Variants in KCNQ1 observed in about 807,000 individuals in gnomAD.
The protein encoded by KCNQ1 is potassium voltage-gated channel subfamily Q member 1, also known as potassium voltage-gated channel subfamily KQT member 1.
KCNQ1 carries 49 observed loss-of-function variants against 72.4 expected under a neutral mutation model. The ratio of observed to expected loss-of-function variants is 0.68; its 90% CI spans 0.54 to 0.86. KCNQ1 has a LOEUF of 0.86. KCNQ1 is among the 40% of genes least tolerant of loss of function. The probability of loss-of-function intolerance (pLI) is 0.00; values close to 1 mark genes in which losing one functional copy is unlikely to be tolerated. For synonymous variants in KCNQ1, 450 were observed against 412.6 expected, an observed-to-expected ratio of 1.09 and a Z score of -1.10; for missense variants, 790 against 945.1, an observed-to-expected ratio of 0.84 and a Z score of 2.15.
At chr11:2,445,910 C>T (rs544427601) in intron 1 of KCNQ1, among the ~76,000 whole-genome samples, 15 of 152,286 alleles carry the variant, frequency 9.8e-5, no homozygotes, top group African/African-American at 3.6e-4. Flanking sequence ...TCCGGTGCCG[C>T]ATCTCAGACC....
intron 11 of KCNQ1, among the ~76,000 whole-genome samples, chr11:2,763,963 G>A (rs1286314264): frequency 1.3e-5 from 2 of 152,080 alleles, no homozygotes; most frequent in Non-Finnish European, 2.9e-5. Context: ...TTTTTTACAT[G>A]TATGGTTATG....
chr11:2,712,140 G>A lies in KCNQ1; in HGVS notation c.1514+50059G>A, dbSNP rs1851017915. 6.6e-6 allele frequency among the ~76,000 whole-genome samples: 1 copy of A among 152,196 alleles called. No individual in the cohort carries two copies. Among genetic ancestry groups the A allele is most frequent in the African/African-American group, 2.4e-5 (1 of 41,436 alleles). On this transcript the variant is annotated intron_variant, in intron 11 of 15. Transcript: ENST00000155840. This position sits in a 1 kb window ranked among gnomAD's most constrained non-coding sequence, Gnocchi z 6.4. ...CGGCTTTCTAGCCCTTTGGAAACCT[G>A]AGTGGGGTTTTGTGCTTGCATCTCA...
rs891202191 is a variant in KCNQ1 at position 2,762,266 on chromosome 11, G to T, written c.1515-6578G>T. On this transcript the variant is annotated intron_variant, in intron 11 of 15. Coordinates refer to ENST00000155840, the MANE Select transcript of KCNQ1 (RefSeq NM_000218.3). The surrounding 1 kb of genome is among the most constrained non-coding windows in gnomAD (Gnocchi z 4.3). Reference sequence around the variant, plus strand: ...TTCTGTTACAGTTCATACTGTTTGCGTTCCTTTAAAGACGTCTTTGCCCAT... The same window carrying T: ...TTCTGTTACAGTTCATACTGTTTGCTTTCCTTTAAAGACGTCTTTGCCCAT... 6.6e-6 allele frequency among the ~76,000 whole-genome samples: 1 copy of T among 152,118 alleles called. No homozygotes were observed. The highest frequency in any genetic ancestry group is 1.9e-4 in the East Asian group (1 of 5,200).
intron 12 of KCNQ1, among the ~76,000 whole-genome samples, chr11:2,770,987 A>G (rs1846588086): frequency 6.6e-6 from 1 of 152,240 alleles, no homozygotes; most frequent in Non-Finnish European, 1.5e-5. Context: ...GGAGAACAGC[A>G]TGGTCGTGAC....
intron 6 of KCNQ1, among the ~76,000 whole-genome samples, chr11:2,577,045 T>C (rs953531887): frequency 6.6e-6 from 1 of 152,230 alleles, no homozygotes; most frequent in African/African-American, 2.4e-5. Flanking sequence ...CAGGGCCCGC[T>C]GCAAGGGCTG....
chr11:2,488,640 C>A lies in KCNQ1; in HGVS notation c.387-39288C>A, dbSNP rs1258456095. ...CTAGGTTATCCAATTTGTTGATACA[C>A]AATTGTTCACAATACTCTCTTATAA... is the stretch of plus-strand genomic sequence containing the variant. On this transcript the variant is annotated intron_variant, in intron 1 of 15. Transcript: ENST00000155840. This position sits in a 1 kb window ranked among gnomAD's most constrained non-coding sequence, Gnocchi z 5.1. Among the ~76,000 whole-genome samples the A allele has an allele frequency of 6.6e-6, 1 of 152,152 alleles. No homozygotes were observed. The highest frequency in any genetic ancestry group is 1.5e-5 in the Non-Finnish European group (1 of 68,024).
intron 11 of KCNQ1, among the ~76,000 whole-genome samples, chr11:2,739,950 G>C (rs1420433774): frequency 2.6e-5 from 4 of 152,254 alleles, no homozygotes; most frequent in Admixed American, 1.3e-4. Flanking sequence ...GTGTGCAGGT[G>C]GGGTGGTGAG....
In KCNQ1 at chr11:2,463,166, C is replaced by T. The variant is rs1846303605; in HGVS notation, c.386+17682C>T. Among the ~76,000 whole-genome samples the T allele has an allele frequency of 6.6e-6, 1 of 152,120 alleles. No homozygotes were observed. Among genetic ancestry groups the T allele is most frequent in the South Asian group, 2.1e-4 (1 of 4,830 alleles). ...CTTGGTCAGAGTGGGGAACTGGACGCTCCGTCCCTGGCTCAGCCTCTCCCG... is the reference window on the plus strand; with the variant it reads ...CTTGGTCAGAGTGGGGAACTGGACGTTCCGTCCCTGGCTCAGCCTCTCCCG... On this transcript the variant is annotated intron_variant, in intron 1 of 15. Coordinates refer to ENST00000155840, the MANE Select transcript of KCNQ1 (RefSeq NM_000218.3). The surrounding 1 kb of genome is among the most constrained non-coding windows in gnomAD (Gnocchi z 7.0).
At position 2,491,767 on chromosome 11, in the gene KCNQ1, A is replaced by C. The variant is rs1395858047; in HGVS notation, c.387-36161A>C. 6.6e-6 allele frequency among the ~76,000 whole-genome samples: 1 copy of C among 152,186 alleles called. No homozygotes were observed. Among genetic ancestry groups the C allele is most frequent in the East Asian group, 1.9e-4 (1 of 5,202 alleles). ...ATTTAACCCAAAGAAGACTACCTCA[A>C]GGTATTTAATAGTCAAAGTTCCAAA... On this transcript the variant is annotated intron_variant, in intron 1 of 15. Transcript: ENST00000155840. The surrounding 1 kb of genome is among the most constrained non-coding windows in gnomAD (Gnocchi z 4.1).
Position 2,783,771 on chromosome 11 carries a change from G to T in KCNQ1, c.1794+5734G>T, listed in dbSNP as rs931656431. ...CTAATGATGTTGAGCCACTTTTCATGTGCTTATTAGCCATTCATAGTCTTC... is the reference window on the plus strand; with the variant it reads ...CTAATGATGTTGAGCCACTTTTCATTTGCTTATTAGCCATTCATAGTCTTC... On this transcript the variant is annotated intron_variant, in intron 15 of 15. Transcript: ENST00000155840. This position sits in a 1 kb window ranked among gnomAD's most constrained non-coding sequence, Gnocchi z 5.2. 6.6e-6 allele frequency among the ~76,000 whole-genome samples: 1 copy of T among 151,938 alleles called. No individual in the cohort carries two copies. Among genetic ancestry groups the T allele is most frequent in the Non-Finnish European group, 1.5e-5 (1 of 67,868 alleles).
chr11:2,532,267 G>A (rs1415312324), intron 2 of KCNQ1, among the ~76,000 whole-genome samples: 1 of 152,168 alleles, frequency 6.6e-6, no homozygotes, highest in Non-Finnish European at 1.5e-5. Flanking sequence ...TCTGCATGGC[G>A]CTTCCTGGCC....
chr11:2,761,019 C>A (rs1458676510), intron 11 of KCNQ1, among the ~76,000 whole-genome samples: 1 of 152,232 alleles, frequency 6.6e-6, no homozygotes. Flanking sequence ...ACGGCAAGGG[C>A]AGAGGTCTTT....
At chr11:2,646,385 G>A in intron 10 of KCNQ1, 1 of 398,552 alleles carries the variant, frequency 2.5e-6, no homozygotes, top group Non-Finnish European at 4.4e-6. Context: ...ACTGTTATCA[G>A]TATTTTATAG....
chr11:2,831,009 C>T (rs1847934720), intron 15 of KCNQ1, among the ~76,000 whole-genome samples: 1 of 152,232 alleles, frequency 6.6e-6, no homozygotes, highest in African/African-American at 2.4e-5. Context: ...TCTGGGTGCT[C>T]AGCCCCACCC....
At chr11:2,700,831 C>G (rs990809094) in intron 11 of KCNQ1, among the ~76,000 whole-genome samples, 1 of 151,804 alleles carries the variant, frequency 6.6e-6, no homozygotes, top group Non-Finnish European at 1.5e-5. Flanking sequence ...CTCCCCTTGT[C>G]CGTCCCCTCC....
chr11:2,642,846 T>C lies in KCNQ1; in HGVS notation c.1394-19115T>C, dbSNP rs1036446790. The C allele has an allele frequency of 7.9e-4, 316 of 397,846 alleles. 8 individuals carry two copies. Among genetic ancestry groups the C allele is most frequent in the Non-Finnish European group, 1.8e-4 (40 of 225,718 alleles). The allele number at this position is 397,846 out of a possible 1,614,324, so 24.6% of individuals were successfully genotyped here. A position where few individuals can be genotyped will look rare whatever the true frequency, so the allele number is the denominator to read the frequency against. ...CATTGCTTTTGCAGTATCCCTTAAG[T>C]TTCAGAATGTTGTGCTTCTATTTTC... On this transcript the variant is annotated intron_variant, in intron 10 of 15. Transcript: ENST00000155840. The surrounding 1 kb of genome is among the most constrained non-coding windows in gnomAD (Gnocchi z 4.3).
At chr11:2,825,839 T>G (rs163184) in intron 15 of KCNQ1, among the ~76,000 whole-genome samples, 60,932 of 151,704 alleles carry the variant, frequency 0.4, 13,809 homozygotes, top group South Asian at 0.51. Context: ...AAGGGTGGAG[T>G]TTGGAGTAAA....
At chr11:2,590,499 G>A (rs1465398138) in intron 10 of KCNQ1, among the ~76,000 whole-genome samples, 2 of 152,350 alleles carry the variant, frequency 1.3e-5, no homozygotes, top group South Asian at 2.1e-4. Flanking sequence ...ACATGAAACA[G>A]TGGCCTTGCC....
chr11:2,452,628 A>G (rs1846132921), intron 1 of KCNQ1, among the ~76,000 whole-genome samples: 1 of 152,216 alleles, frequency 6.6e-6, no homozygotes, highest in Non-Finnish European at 1.5e-5. Context: ...TTGGCATTCT[A>G]TTCCGTGACG....
Sources: allele counts gnomAD v4.1 joint callset (sites outside exome capture counted in the v4.1 genomes callset), GRCh38; gene constraint gnomAD v4.1.1; non-coding constraint Gnocchi (gnomAD v3.1); transcripts MANE v1.5; gene names NCBI Gene and HGNC (gene_info 2026-07-23, HGNC 2026-07-21).